Variants in SGCZ observed in about 807,000 individuals in gnomAD.
SGCZ encodes zeta-sarcoglycan.
SGCZ carries 40 observed loss-of-function variants against 41.3 expected under a neutral mutation model. That is an observed-to-expected ratio of 0.97 (90% CI 0.75 to 1.26). The LOEUF (loss-of-function observed/expected upper bound fraction) is 1.26. Ranked by LOEUF, SGCZ falls within the 50% of genes most tolerant of loss-of-function variation. SGCZ has a pLI of 0.00. For missense variants in SGCZ, 552 were observed against 369.8 expected (o/e 1.49, Z -4.04); for synonymous variants, 206 against 137.5 (o/e 1.50, Z -3.49).
At chr8:15,206,271 A>G (rs1199171257) in intron 1 of SGCZ, among the ~76,000 whole-genome samples, 1 of 152,124 alleles carries the variant, frequency 6.6e-6, no homozygotes, top group Non-Finnish European at 1.5e-5. Context: ...AGATGTGAGA[A>G]TGAGATCCAT....
intron 1 of SGCZ, among the ~76,000 whole-genome samples, chr8:15,203,228 T>C (rs981526675): frequency 2.6e-5 from 4 of 152,244 alleles, no homozygotes; most frequent in Non-Finnish European, 5.9e-5. Context: ...ATCTCAGAAG[T>C]CATATTTGCT....
intron 1 of SGCZ, among the ~76,000 whole-genome samples, chr8:14,629,933 T>A (rs1806590691): frequency 1.3e-5 from 2 of 152,152 alleles, no homozygotes; most frequent in South Asian, 4.1e-4. Context: ...TTGCAGTTAC[T>A]TGTGATGACT....
chr8:14,812,807 G>A (rs1005676852), intron 1 of SGCZ, among the ~76,000 whole-genome samples: 41 of 152,110 alleles, frequency 2.7e-4, no homozygotes, highest in African/African-American at 8.9e-4. Flanking sequence ...TTTATTAATA[G>A]ATAAGCTTCC....
At chr8:15,159,147 T>G (rs1038302145) in intron 1 of SGCZ, among the ~76,000 whole-genome samples, 1 of 152,114 alleles carries the variant, frequency 6.6e-6, no homozygotes, top group Non-Finnish European at 1.5e-5. Context: ...TAATCAGTCA[T>G]GCCTAGGTAA....
intron 1 of SGCZ, among the ~76,000 whole-genome samples, chr8:14,706,661 G>C (rs1201561367): frequency 3.9e-5 from 6 of 152,072 alleles, no homozygotes; most frequent in Non-Finnish European, 8.8e-5. Flanking sequence ...TAGAAACCAG[G>C]TTGTAGCTAG....
intron 1 of SGCZ, among the ~76,000 whole-genome samples, chr8:14,664,603 T>C (rs1028406830): frequency 4.6e-5 from 7 of 152,178 alleles, no homozygotes; most frequent in African/African-American, 1.7e-4. Flanking sequence ...TTCTTCTTAT[T>C]AAAAGCAGGA....
intron 4 of SGCZ, among the ~76,000 whole-genome samples, chr8:14,209,815 A>G (rs1805741137): frequency 1.3e-5 from 2 of 151,590 alleles, no homozygotes; most frequent in Middle Eastern, 3.4e-3. Flanking sequence ...TGAATTCCAT[A>G]TTTTCATAAA....
At chr8:14,652,639 A>T (rs949544749) in intron 1 of SGCZ, among the ~76,000 whole-genome samples, 1 of 152,088 alleles carries the variant, frequency 6.6e-6, no homozygotes, top group African/African-American at 2.4e-5. Context: ...TAAAAGTTCA[A>T]AACTATGTGC....
At chr8:14,522,167 T>A (rs62498399) in intron 2 of SGCZ, among the ~76,000 whole-genome samples, 2,753 of 152,184 alleles carry the variant, frequency 0.018, 52 homozygotes, top group African/African-American at 0.044. Context: ...TTCTCTTTGC[T>A]AACATTTAGC....
intron 1 of SGCZ, among the ~76,000 whole-genome samples, chr8:14,800,853 T>C (rs1585271634): frequency 6.6e-6 from 1 of 151,932 alleles, no homozygotes; most frequent in African/African-American, 2.4e-5. Flanking sequence ...ATTCAAAATA[T>C]AGAGGTGGAA....
intron 2 of SGCZ, among the ~76,000 whole-genome samples, chr8:14,400,258 C>A (rs1799035035): frequency 6.6e-6 from 1 of 151,956 alleles, no homozygotes; most frequent in African/African-American, 2.4e-5. Flanking sequence ...TTTATCCATT[C>A]ATCAGTTGAC....
chr8:14,166,644 A>C (rs909927452), intron 4 of SGCZ, among the ~76,000 whole-genome samples: 1 of 152,164 alleles, frequency 6.6e-6, no homozygotes. Flanking sequence ...TTAATGGCAT[A>C]GATGTACATT....
intron 1 of SGCZ, among the ~76,000 whole-genome samples, chr8:14,763,614 G>A (rs971384): frequency 0.34 from 51,074 of 151,922 alleles, 10,171 homozygotes; most frequent in East Asian, 0.51. Flanking sequence ...AAAAGTTTAC[G>A]TAATGATCAT....
At chr8:15,021,338 C>T (rs898237708) in intron 1 of SGCZ, among the ~76,000 whole-genome samples, 2 of 152,082 alleles carry the variant, frequency 1.3e-5, no homozygotes, top group Non-Finnish European at 2.9e-5. Context: ...AAAATATTGC[C>T]TTGTATCTTC....
chr8:14,829,904 C>T (rs907074112), intron 1 of SGCZ, among the ~76,000 whole-genome samples: 5 of 152,088 alleles, frequency 3.3e-5, no homozygotes, highest in African/African-American at 1.2e-4. Context: ...CTCCGCCTCC[C>T]GGGTTCACGC....
At chr8:15,080,491 A>T (rs1805700997) in intron 1 of SGCZ, among the ~76,000 whole-genome samples, 1 of 152,046 alleles carries the variant, frequency 6.6e-6, no homozygotes, top group African/African-American at 2.4e-5. Flanking sequence ...ATATGTCTTA[A>T]CCTCCAGTAC....
intron 1 of SGCZ, among the ~76,000 whole-genome samples, chr8:14,575,829 C>A (rs1804690389): frequency 6.7e-6 from 1 of 149,200 alleles, no homozygotes; most frequent in African/African-American, 2.5e-5. Context: ...TCGCTTGAAC[C>A]CAGGAGGCGG....
chr8:14,327,129 G>A (rs1802148738), intron 2 of SGCZ, among the ~76,000 whole-genome samples: 1 of 152,112 alleles, frequency 6.6e-6, no homozygotes, highest in Non-Finnish European at 1.5e-5. Context: ...TAATGATGAA[G>A]GTCAATGGAT....
chr8:14,260,868 A>G (rs1799638203), intron 3 of SGCZ, among the ~76,000 whole-genome samples: 1 of 152,110 alleles, frequency 6.6e-6, no homozygotes, highest in South Asian at 2.1e-4. Flanking sequence ...AACACCGCAT[A>G]TTCTCACTCA....
Sources: allele counts gnomAD v4.1 joint callset (sites outside exome capture counted in the v4.1 genomes callset), GRCh38; gene constraint gnomAD v4.1.1; transcripts MANE v1.5; gene names NCBI Gene and HGNC (gene_info 2026-07-23, HGNC 2026-07-21).